The following ZNF736 variants were observed in gnomAD, a reference collection of about 807,000 sequenced individuals.
The protein encoded by ZNF736 is KRAB-containing zinc-finger repressor protein.
In ZNF736, 6 loss-of-function variants were observed where a neutral mutation model predicts 11.7. The observed-to-expected ratio is 0.51, with a 90% confidence interval of 0.28 to 1.01. The LOEUF (loss-of-function observed/expected upper bound fraction) is 1.01, where lower values mean the gene tolerates loss of function less well. ZNF736 is among the 50% of genes least tolerant of loss of function. The probability of loss-of-function intolerance (pLI) is 0.09; values close to 1 mark genes in which losing one functional copy is unlikely to be tolerated. For missense variants in ZNF736, 444 were observed against 496.0 expected (o/e 0.90, Z 1.00); for synonymous variants, 139 against 164.7 (o/e 0.84, Z 1.19).
rs757715612 is a variant in ZNF736, at chr7:64,336,877, A to G, written c.131-10A>G. On this transcript the variant is annotated splice_polypyrimidine_tract_variant and intron_variant, in intron 2 of 3. Transcript: ENST00000423484. The stretch of plus-strand genomic sequence containing the variant: ...TAGCAAGAGTCATGTTTTTTTTTCT[A>G]ATAAAACAGGTCTTGCTATCTTTAA... 1.3e-5 allele frequency: 20 copies of G among 1,570,070 alleles called. No homozygotes were observed. The Admixed American group carries it at 3.7e-4, about 29-fold the overall frequency.
At chr7:64,314,354 T>C (rs1438681909) in intron 1 of ZNF736, among the ~76,000 whole-genome samples, 3 of 152,096 alleles carry the variant, frequency 2.0e-5, no homozygotes, top group African/African-American at 7.2e-5. Context: ...ACGTCTTGTT[T>C]TGTCCCTAAA....
intron 1 of ZNF736, among the ~76,000 whole-genome samples, chr7:64,325,060 T>A (rs1789064362): frequency 1.3e-5 from 2 of 152,194 alleles, no homozygotes; most frequent in Admixed American, 1.3e-4. Context: ...CCCTTCACTA[T>A]TGACTTTCGT....
At chr7:64,320,174 T>A (rs61471925) in intron 1 of ZNF736, among the ~76,000 whole-genome samples, 1 of 152,134 alleles carries the variant, frequency 6.6e-6, no homozygotes, top group Non-Finnish European at 1.5e-5. Context: ...AACAAAAAAA[T>A]TGTAGCTCTT....
chr7:64,327,586 C>T (rs1401787349), intron 1 of ZNF736, among the ~76,000 whole-genome samples: 1 of 152,100 alleles, frequency 6.6e-6, no homozygotes, highest in Non-Finnish European at 1.5e-5. Flanking sequence ...TATCTGCTTT[C>T]TTGCTGTTTT....
Position 64,354,148 on chromosome 7 carries a change from TTATGAG to T in ZNF736, c.*5005_*5010del, listed in dbSNP as rs1789525018. ...ATTATTATGATGGTTGTAATGAAGA[TTATGAG>T]TATAATTGGAGCTATATGTTTCTGA... On this transcript the variant is annotated 3_prime_UTR_variant, in exon 4 of 4. Coordinates refer to ENST00000423484, the MANE Select transcript of ZNF736 (RefSeq NM_001170905.3). 1.3e-5 allele frequency: 2 copies of T among 152,190 alleles called. No homozygotes were observed. Among genetic ancestry groups the T allele is most frequent in the Admixed American group, 6.5e-5 (1 of 15,278 alleles). 9.4% of individuals were successfully genotyped at this position (152,190 alleles called of 1,614,324 possible).
At chr7:64,333,115 T>A (rs559309924) in intron 1 of ZNF736, among the ~76,000 whole-genome samples, 1 of 152,200 alleles carries the variant, frequency 6.6e-6, no homozygotes, top group Non-Finnish European at 1.5e-5. Flanking sequence ...ATTTGGGAAC[T>A]GATAAATGTC....
intron 3 of ZNF736, among the ~76,000 whole-genome samples, chr7:64,341,017 TTGA>T (rs34051378): frequency 0.31 from 46,670 of 151,820 alleles, 7,332 homozygotes; most frequent in African/African-American, 0.34. Context: ...ATATTCCGTG[TTGA>T]TGTTTTTCAA....
chr7:64,341,106 T>G (rs1789331663), intron 3 of ZNF736, among the ~76,000 whole-genome samples: 1 of 152,122 alleles, frequency 6.6e-6, no homozygotes, highest in African/African-American at 2.4e-5. Flanking sequence ...TTCTGATCAT[T>G]AATTCTGTTG....
intron 3 of ZNF736, among the ~76,000 whole-genome samples, chr7:64,346,912 C>T (rs1789417096): frequency 6.6e-6 from 1 of 150,412 alleles, no homozygotes; most frequent in African/African-American, 2.4e-5. Context: ...TTATTTTTTT[C>T]TTTTAAAAAA....
At chr7:64,320,268 G>C (rs1788985800) in intron 1 of ZNF736, among the ~76,000 whole-genome samples, 1 of 152,152 alleles carries the variant, frequency 6.6e-6, no homozygotes, top group Non-Finnish European at 1.5e-5. Context: ...TAGTATCTCA[G>C]CTTCTCAGTT....
rs62463901 is a variant in ZNF736 at position 64,322,925 on chromosome 7, C to G, written c.3+8772C>G. 3.0e-4 allele frequency among the ~76,000 whole-genome samples: 45 copies of G among 152,236 alleles called. 1 individual carries two copies. The highest frequency in any genetic ancestry group is 1.0e-3 in the African/African-American group (42 of 41,554). ...TACTCTTTACAAAACTACTTAGTCA[C>G]TCTCTATTACTTAATTACTAAAGCC... On this transcript the variant is annotated intron_variant, in intron 1 of 3. Transcript: ENST00000423484.
intron 1 of ZNF736, among the ~76,000 whole-genome samples, chr7:64,334,856 A>G (rs1235587264): frequency 6.6e-6 from 1 of 152,202 alleles, no homozygotes; most frequent in Non-Finnish European, 1.5e-5. Flanking sequence ...TTGCAGCACT[A>G]TTTACAATAG....
intron 3 of ZNF736, among the ~76,000 whole-genome samples, chr7:64,340,420 A>G (rs1789320892): frequency 7.6e-6 from 1 of 131,500 alleles, no homozygotes; most frequent in Non-Finnish European, 1.6e-5. Flanking sequence ...TTTTAAGTCA[A>G]GTCAAAATAG....
At chr7:64,331,337 CA>C (rs1562670791) in intron 1 of ZNF736, among the ~76,000 whole-genome samples, 3 of 152,200 alleles carry the variant, frequency 2.0e-5, no homozygotes, top group Admixed American at 6.5e-5. Flanking sequence ...TGACAGGCAG[CA>C]CTGAGTTTTA....
intron 1 of ZNF736, among the ~76,000 whole-genome samples, chr7:64,332,846 A>G (rs959926268): frequency 6.6e-6 from 1 of 152,198 alleles, no homozygotes; most frequent in African/African-American, 2.4e-5. Flanking sequence ...CTGCAAGAAG[A>G]AAAATATGGC....
rs187693461 is a variant in ZNF736 at position 64,349,422 on chromosome 7, A to G, written c.*275A>G. ...ACCCCTGCTTCTTTTCCTGTTTTCT[A>G]TTTGCTTGGTAGGCTTTTCTTTTTC... On this transcript the variant is annotated 3_prime_UTR_variant, in exon 4 of 4. Transcript: ENST00000423484. 2.6e-4 allele frequency: 75 copies of G among 287,100 alleles called. No homozygotes were observed. In the East Asian group the frequency reaches 4.3e-3, roughly 16 times the overall value. 17.8% of individuals were successfully genotyped at this position (287,100 alleles called of 1,614,324 possible). A position where few individuals can be genotyped will look rare whatever the true frequency, so the allele number is the denominator to read the frequency against.
Position 64,354,526 on chromosome 7 carries a change from C to T in ZNF736, c.*5379C>T, listed in dbSNP as rs1789529622. ...TTCATTTATCTAAAATGTTATTGCT[C>T]CTGGCTTAGAATCATCTTGTGCAAA... On this transcript the variant is annotated 3_prime_UTR_variant, in exon 4 of 4. Transcript: ENST00000423484. 6.8e-6 allele frequency: 1 copy of T among 146,222 alleles called. No individual in the cohort carries two copies. Among genetic ancestry groups the T allele is most frequent in the Admixed American group, 6.9e-5 (1 of 14,426 alleles). 9.1% of individuals were successfully genotyped at this position (146,222 alleles called of 1,614,324 possible).
chr7:64,346,827 T>A (rs909721017), intron 3 of ZNF736, among the ~76,000 whole-genome samples: 5 of 152,046 alleles, frequency 3.3e-5, no homozygotes, highest in Non-Finnish European at 7.4e-5. Flanking sequence ...ATTTTTGTTA[T>A]TTCATTTTGT....
intron 1 of ZNF736, among the ~76,000 whole-genome samples, chr7:64,316,575 G>A (rs1562665775): frequency 1.3e-5 from 2 of 152,174 alleles, no homozygotes; most frequent in Non-Finnish European, 1.5e-5. Context: ...GAGCAGAATG[G>A]GGGTGGGAGA....
Sources: gnomAD v4.1 joint callset for allele counts (sites outside exome capture counted in the v4.1 genomes callset) on GRCh38, gnomAD v4.1.1 for gene constraint, MANE v1.5 for transcripts, NCBI Gene and HGNC (gene_info 2026-07-23, HGNC 2026-07-21) for gene names.